The following GJA3 variants were observed in gnomAD, a reference collection of about 807,000 sequenced individuals.
The protein encoded by GJA3 is gap junction alpha-3 protein.
For synonymous variants in GJA3, 297 were observed against 292.6 expected (o/e 1.02, Z -0.15); for missense variants, 571 against 620.3 (o/e 0.92, Z 0.84).
chr13:20,152,648 T>G (rs996917671), intron 1 of GJA3, among the ~76,000 whole-genome samples: 1 of 152,212 alleles, frequency 6.6e-6, no homozygotes, highest in Non-Finnish European at 1.5e-5. Context: ...TCTCCCAAAG[T>G]GCTGTACAGA....
chr13:20,151,589 C>T (rs1000444557), intron 1 of GJA3, among the ~76,000 whole-genome samples: 2 of 152,064 alleles, frequency 1.3e-5, no homozygotes, highest in Admixed American at 6.5e-5. Context: ...CAGAGCAGAC[C>T]GGGGCTCCAG....
At chr13:20,150,624 T>G (rs1958871285) in intron 1 of GJA3, among the ~76,000 whole-genome samples, 1 of 152,212 alleles carries the variant, frequency 6.6e-6, no homozygotes, top group Admixed American at 6.5e-5. Flanking sequence ...TAGAAAATTC[T>G]GACCTCGGGA....
chr13:20,151,500 G>C (rs775276448), intron 1 of GJA3, among the ~76,000 whole-genome samples: 1 of 152,172 alleles, frequency 6.6e-6, no homozygotes, highest in African/African-American at 2.4e-5. Flanking sequence ...CACAACACGA[G>C]AGAAGTTCCA....
chr13:20,142,745 C>T lies in GJA3; in HGVS notation c.544G>A (p.Asp182Asn). The T allele has an allele frequency of 2.5e-6, 4 of 1,613,762 alleles. No individual in the cohort carries two copies. The highest frequency in any genetic ancestry group is 3.4e-6 in the Non-Finnish European group (4 of 1,179,968). Residue 182 changes from aspartate (D) to asparagine (N), a missense_variant, in exon 2 of 2, where the codon GAC becomes AAC. Coordinates refer to ENST00000241125, the MANE Select transcript of GJA3 (RefSeq NM_021954.4). ...GFELKPLYRCDRWPCPNTVDC... is the reference protein window; with the variant it reads ...GFELKPLYRCNRWPCPNTVDC... ...ACCGTGTTGGGGCAGGGCCAGCGGT[C>T]GCAGCGGTAGAGCGGCTTCAGCTCG...
intron 1 of GJA3, among the ~76,000 whole-genome samples, chr13:20,155,263 T>C (rs1457880888): frequency 1.3e-5 from 2 of 152,228 alleles, no homozygotes; most frequent in Non-Finnish European, 2.9e-5. Context: ...TGTCCTATCA[T>C]CAGATTTTGG....
At chr13:20,158,912 C>CAAAAAAAAAAAAAAAAAAAAAA (rs1159654355) in intron 1 of GJA3, among the ~76,000 whole-genome samples, 47 of 54,950 alleles carry the variant, frequency 8.6e-4, no homozygotes, top group African/African-American at 9.6e-4. Context: ...GCAAAACTCT[C>CAAAAAAAAAAAAAAAAAAAAAA]AAAAAAAAAA....
intron 1 of GJA3, among the ~76,000 whole-genome samples, chr13:20,158,912 CAAAA>C (rs1159654355): frequency 7.3e-5 from 4 of 54,982 alleles, no homozygotes; most frequent in African/African-American, 2.4e-4. Flanking sequence ...GCAAAACTCT[CAAAA>C]AAAAAAAAAA....
chr13:20,141,432 A>T lies in GJA3; in HGVS notation c.*549T>A, dbSNP rs1467118223. 1 of 152,548 alleles carries T rather than the reference A, an allele frequency of 6.6e-6. No homozygotes were observed. The highest frequency in any genetic ancestry group is 2.4e-5 in the African/African-American group (1 of 41,414). The allele number at this position is 152,548 out of a possible 1,614,324, so 9.4% of individuals were successfully genotyped here. A position where few individuals can be genotyped will look rare whatever the true frequency, so the allele number is the denominator to read the frequency against. On this transcript the variant is annotated 3_prime_UTR_variant, in exon 2 of 2. Coordinates refer to ENST00000241125, the MANE Select transcript of GJA3 (RefSeq NM_021954.4). The stretch of plus-strand genomic sequence containing the variant: ...CTGGGCTTCACATGCAATTTCGGAA[A>T]CTCAAATGACACTACATAGACTTGC...
In GJA3 at chr13:20,142,898, A is replaced by G; in HGVS notation, c.391T>C (p.Ser131Pro). 3 of 1,593,682 alleles carry G rather than the reference A, an allele frequency of 1.9e-6. No homozygotes were observed. The highest frequency in any genetic ancestry group is 2.6e-6 in the Non-Finnish European group (3 of 1,169,994). ...SPKEPPQDNP[S>P]SRDDRGRVRM... ...ACCCTGCCGCGGTCGTCCCGCGACG[A>G]GGGATTGTCCTGCGGTGGCTCCTTG... Residue 131 changes from serine to proline, a missense_variant, in exon 2 of 2, where the codon TCG (serine) becomes CCG (proline). By Grantham distance (74) the Ser-to-Pro change is moderately conservative. Transcript: ENST00000241125.
At position 20,141,801 on chromosome 13, in the gene GJA3, A is replaced by G; in HGVS notation, c.*180T>C. 2.2e-6 allele frequency: 2 copies of G among 905,432 alleles called. No individual in the cohort carries two copies. Among genetic ancestry groups the G allele is most frequent in the Middle Eastern group, 6.8e-4 (2 of 2,946 alleles). 56.1% of individuals were successfully genotyped at this position (905,432 alleles called of 1,614,324 possible). A position where few individuals can be genotyped will look rare whatever the true frequency, so the allele number is the denominator to read the frequency against. ...TATCCCCACTGTAACTCACAGTGCT[A>G]AGAACAGCAAGCATTGAACACGGAA... On this transcript the variant is annotated 3_prime_UTR_variant, in exon 2 of 2. Coordinates refer to ENST00000241125, the MANE Select transcript of GJA3 (RefSeq NM_021954.4).
chr13:20,160,441 G>T (rs1422220294), intron 1 of GJA3, among the ~76,000 whole-genome samples: 2 of 152,218 alleles, frequency 1.3e-5, no homozygotes, highest in Non-Finnish European at 2.9e-5. Context: ...GGTGCGCGCC[G>T]TTAGCTGGCG....
rs535550217 is a variant in GJA3 at position 20,156,300 on chromosome 13, C to CATTTT, written c.-18+4585_-18+4589dup. ...TTATAACTTAAAATCTTAGTGAGGG[C>CATTTT]ATTTTATTTTATTTTATTTTATTTT... On this transcript the variant is annotated intron_variant, in intron 1 of 1. Coordinates refer to ENST00000241125, the MANE Select transcript of GJA3 (RefSeq NM_021954.4). Among the ~76,000 whole-genome samples, 239 of 151,892 alleles carry CATTTT rather than the reference C, an allele frequency of 1.6e-3. 1 individual carries two copies. Among genetic ancestry groups the CATTTT allele is most frequent in the African/African-American group, 4.5e-3 (187 of 41,426 alleles).
intron 1 of GJA3, among the ~76,000 whole-genome samples, chr13:20,148,780 G>T (rs1958859247): frequency 6.6e-6 from 1 of 152,208 alleles, no homozygotes; most frequent in Non-Finnish European, 1.5e-5. Context: ...CATCACCCAC[G>T]GGGAGGCCCC....
intron 1 of GJA3, among the ~76,000 whole-genome samples, chr13:20,155,972 C>A (rs1958904810): frequency 6.6e-6 from 1 of 152,082 alleles, no homozygotes; most frequent in African/African-American, 2.4e-5. Context: ...CCAGAGCCAA[C>A]TGATTTAGGA....
rs905459266 is a variant in GJA3 at position 20,146,610 on chromosome 13, C to A, written c.-17-3305G>T. On this transcript the variant is annotated intron_variant, in intron 1 of 1. Coordinates refer to ENST00000241125, the MANE Select transcript of GJA3 (RefSeq NM_021954.4). ...AGGGGCCAAGGCTGTGTCCCAGAGA[C>A]AGGATGACACAGTGTTTCCTGAACA... Among the ~76,000 whole-genome samples, 15 of 152,244 alleles carry A rather than the reference C, an allele frequency of 9.9e-5. 1 individual carries two copies. The highest frequency in any genetic ancestry group is 3.6e-4 in the African/African-American group (15 of 41,456).
rs1180215625 is a variant in GJA3 at position 20,151,745 on chromosome 13, C to A, written c.-17-8440G>T. ...GGCGGGGGAGGCAGACAGGCCACAGCAGATGGGAAGAGAACCCGGGCTCTC... is the reference window on the plus strand; with the variant it reads ...GGCGGGGGAGGCAGACAGGCCACAGAAGATGGGAAGAGAACCCGGGCTCTC... On this transcript the variant is annotated intron_variant, in intron 1 of 1. Transcript: ENST00000241125. Among the ~76,000 whole-genome samples, 4 of 152,174 alleles carry A rather than the reference C, an allele frequency of 2.6e-5. No individual in the cohort carries two copies. In the East Asian group the frequency reaches 7.7e-4, roughly 29 times the overall value.
At chr13:20,161,084 G>C (rs1958934967), upstream of GJA3, 1 of 153,108 alleles carries the variant, frequency 6.5e-6, no homozygotes, top group Non-Finnish European at 1.5e-5. Context: ...CTGCAGCTCA[G>C]GACGCCGCGC....
chr13:20,158,912 C>CAAAAAAAAAAAAAAAAA (rs1159654355), intron 1 of GJA3, among the ~76,000 whole-genome samples: 7 of 54,956 alleles, frequency 1.3e-4, no homozygotes, highest in African/African-American at 1.6e-4. Context: ...GCAAAACTCT[C>CAAAAAAAAAAAAAAAAA]AAAAAAAAAA....
Position 20,138,929 on chromosome 13 carries a change from A to G in GJA3, c.*3052T>C. 6.6e-6 allele frequency: 1 copy of G among 152,330 alleles called. No individual in the cohort carries two copies. Among genetic ancestry groups the G allele is most frequent in the South Asian group, 2.1e-4 (1 of 4,830 alleles). The allele number at this position is 152,330 out of a possible 1,614,324, so 9.4% of individuals were successfully genotyped here. Reference sequence around the variant, plus strand: ...TTTTTTGTAAAGTGATGTTTAAATTATATTCATAGTTATTAGTCCAGGTAT... The same window carrying G: ...TTTTTTGTAAAGTGATGTTTAAATTGTATTCATAGTTATTAGTCCAGGTAT... On this transcript the variant is annotated 3_prime_UTR_variant, in exon 2 of 2. Transcript: ENST00000241125.
Sources: gnomAD v4.1 joint callset for allele counts (sites outside exome capture counted in the v4.1 genomes callset) on GRCh38, gnomAD v4.1.1 for gene constraint, MANE v1.5 for transcripts, NCBI Gene and HGNC (gene_info 2026-07-23, HGNC 2026-07-21) for gene names.